NNT: variants seen among roughly 807,000 people sequenced by gnomAD.
The protein encoded by NNT is NAD(P) transhydrogenase, mitochondrial.
A neutral mutation model predicts 104.8 loss-of-function variants in NNT; 50 were observed. The observed-to-expected ratio is 0.48, with a 90% CI of 0.38 to 0.60. The LOEUF (loss-of-function observed/expected upper bound fraction) is 0.60, where lower values mean the gene tolerates loss of function less well. Among genes scored for constraint, NNT ranks in the 20% least tolerant of loss-of-function variants. The pLI is 0.00. For synonymous variants in NNT, 461 were observed against 490.4 expected, an observed-to-expected ratio of 0.94 and a Z score of 0.79; for missense variants, 1,131 against 1,330.7, an observed-to-expected ratio of 0.85 and a Z score of 2.33.
At chr5:43,682,435 T>G (rs918223797) in intron 19 of NNT, among the ~76,000 whole-genome samples, 2 of 152,164 alleles carry the variant, frequency 1.3e-5, no homozygotes, top group African/African-American at 4.8e-5. Flanking sequence ...GGTCTCAAAC[T>G]CCTGACCTCA....
intron 5 of NNT, among the ~76,000 whole-genome samples, chr5:43,620,579 T>G (rs933033703): frequency 6.0e-5 from 9 of 149,774 alleles, no homozygotes; most frequent in Non-Finnish European, 1.2e-4. Context: ...AAAATAAATC[T>G]CCTGGAAAAA....
chr5:43,660,915 T>TAA (rs1740321519), intron 17 of NNT, among the ~76,000 whole-genome samples: 1 of 152,218 alleles, frequency 6.6e-6, no homozygotes, highest in South Asian at 2.1e-4. Context: ...CCATATCAGA[T>TAA]ACTTACTCTA....
chr5:43,698,061 G>A lies in NNT; in HGVS notation c.2877-2058G>A, dbSNP rs139996235. ...TATAGACCTTGGAAAAAAATGAGGT[G>A]GAGTTTCTCTTTGGATATATACACA... On this transcript the variant is annotated intron_variant, in intron 19 of 21. Transcript: ENST00000344920. 4.8e-3 allele frequency among the ~76,000 whole-genome samples: 720 copies of A among 151,320 alleles called. 6 individuals carry two copies. The highest frequency in any genetic ancestry group is 0.016 in the African/African-American group (670 of 41,158).
Position 43,664,528 on chromosome 5 carries a change from G to A in NNT, c.2634+5178G>A, listed in dbSNP as rs889150531. On this transcript the variant is annotated intron_variant, in intron 17 of 21. Transcript: ENST00000344920. The stretch of plus-strand genomic sequence containing the variant: ...TTGTCAGTTTTATGACCTTTCTTTG[G>A]CTTTCAGATTTATTTCTTACAGTGT... Among the ~76,000 whole-genome samples, 3 of 152,056 alleles carry A rather than the reference G, an allele frequency of 2.0e-5. No homozygotes were observed. The South Asian group carries it at 6.2e-4, about 32-fold the overall frequency.
intron 5 of NNT, among the ~76,000 whole-genome samples, chr5:43,622,396 C>T (rs1750145514): frequency 6.6e-6 from 1 of 152,130 alleles, no homozygotes; most frequent in African/African-American, 2.4e-5. Context: ...CTTTCTCCTG[C>T]CCTTTCCCAT....
chr5:43,617,663 C>T (rs1749860359), intron 4 of NNT, among the ~76,000 whole-genome samples: 2 of 152,246 alleles, frequency 1.3e-5, no homozygotes, highest in South Asian at 2.1e-4. Context: ...TTACTTTTTT[C>T]ACTATCAATG....
At chr5:43,648,081 C>A in intron 10 of NNT, 5 of 1,221,026 alleles carry the variant, frequency 4.1e-6, no homozygotes, top group Non-Finnish European at 5.2e-6. Context: ...CCCTATGCAA[C>A]TTCTCTAATT....
chr5:43,685,005 G>A (rs1175241376), intron 19 of NNT, among the ~76,000 whole-genome samples: 2 of 152,088 alleles, frequency 1.3e-5, no homozygotes, highest in Non-Finnish European at 2.9e-5. Context: ...ACTTTTTATT[G>A]TATCCACAGT....
chr5:43,659,235 G>C lies in NNT; in HGVS notation c.2519G>C (p.Ser840Thr). Residue 840 changes from serine to threonine, a missense_variant, in exon 17 of 22, where the codon AGC becomes ACC. By Grantham distance (58) the Ser-to-Thr change is moderately conservative. Transcript: ENST00000344920. The stretch of plus-strand genomic sequence containing the variant: ...CCCGTCGTTATCACTGTGCTGAACA[G>C]CTACTCAGGCTGGGCCCTGTGTGCA... ...DMPVVITVLN[S>T]YSGWALCAEG... 1 of 1,614,088 alleles carries C rather than the reference G, an allele frequency of 6.2e-7. No homozygotes were observed. Among genetic ancestry groups the C allele is most frequent in the South Asian group, 1.1e-5 (1 of 91,074 alleles).
chr5:43,623,377 C>A (rs892073596), intron 5 of NNT, among the ~76,000 whole-genome samples: 1 of 152,002 alleles, frequency 6.6e-6, no homozygotes, highest in Non-Finnish European at 1.5e-5. Flanking sequence ...TCTTAGAAGG[C>A]GGGGGTAGGG....
chr5:43,704,277 T>C lies in NNT; in HGVS notation c.3134T>C (p.Leu1045Ser). The change falls in exon 22 of 22, where the codon TTG (leucine) becomes TCG (serine). Residue 1045 changes from leucine to serine, a missense_variant. Transcript: ENST00000344920. ...SKQVIVMKRS[L>S]GVGYAAVDNP... ...CAGGTGATTGTTATGAAGAGGTCTTTGGGTGTTGGCTATGCTGCAGTGGAC... is the reference window on the plus strand; with the variant it reads ...CAGGTGATTGTTATGAAGAGGTCTTCGGGTGTTGGCTATGCTGCAGTGGAC... The C allele has an allele frequency of 6.3e-7, 1 of 1,593,668 alleles. No homozygotes were observed. Among genetic ancestry groups the C allele is most frequent in the South Asian group, 1.1e-5 (1 of 87,666 alleles).
intron 6 of NNT, among the ~76,000 whole-genome samples, chr5:43,627,185 C>T (rs1297447262): frequency 6.6e-6 from 1 of 152,136 alleles, no homozygotes; most frequent in East Asian, 1.9e-4. Context: ...TGCAACTTTA[C>T]CTCCAGGGGG....
At chr5:43,657,237 G>A (rs970331899) in intron 16 of NNT, among the ~76,000 whole-genome samples, 5 of 152,148 alleles carry the variant, frequency 3.3e-5, no homozygotes, top group African/African-American at 9.7e-5. Flanking sequence ...GATATGACAC[G>A]AAATCAAATA....
chr5:43,650,382 C>A, intron 11 of NNT, 95 bp from the exon 12 acceptor site: 1 of 816,882 alleles, frequency 1.2e-6, no homozygotes, highest in Non-Finnish European at 2.0e-6. Context: ...AGAACTTTAC[C>A]CTCTATGAAT....
chr5:43,622,214 G>T (rs1355500212), intron 5 of NNT, among the ~76,000 whole-genome samples: 1 of 152,186 alleles, frequency 6.6e-6, no homozygotes, highest in Non-Finnish European at 1.5e-5. Flanking sequence ...GTTAAAACCA[G>T]TACTACTTGT....
At chr5:43,632,990 T>A (rs999194789) in intron 7 of NNT, among the ~76,000 whole-genome samples, 4 of 152,200 alleles carry the variant, frequency 2.6e-5, no homozygotes, top group Middle Eastern at 3.4e-3. Context: ...TTGGGCAAAT[T>A]TCACCTAAGT....
At chr5:43,702,085 C>CT (rs1328973083) in intron 20 of NNT, among the ~76,000 whole-genome samples, 1 of 151,968 alleles carries the variant, frequency 6.6e-6, no homozygotes, top group Non-Finnish European at 1.5e-5. Context: ...TTGTTAGTTT[C>CT]TTTTGCTAAG....
chr5:43,656,069 G>T lies in NNT; in HGVS notation c.2289G>T (p.Leu763Phe), dbSNP rs1319114507. 1 of 1,612,288 alleles carries T rather than the reference G, an allele frequency of 6.2e-7. No homozygotes were observed. Among genetic ancestry groups the T allele is most frequent in the Non-Finnish European group, 8.5e-7 (1 of 1,178,354 alleles). ...FSGSLIAYGKLQGLLKSAPLL... is the reference protein window; with the variant it reads ...FSGSLIAYGKFQGLLKSAPLL... ...GGTCTCTCATTGCCTATGGAAAATT[G>T]CAGGGTAAGTGATTCAGCATAACAT... Residue 763 changes from leucine (L) to phenylalanine (F), a missense_variant, in exon 15 of 22, where the codon TTG becomes TTT. By Grantham distance (22) the Leu-to-Phe change is conservative (BLOSUM62 0). Transcript: ENST00000344920.
chr5:43,676,735 A>T (rs576473457), intron 18 of NNT, among the ~76,000 whole-genome samples: 37 of 152,330 alleles, frequency 2.4e-4, no homozygotes, highest in African/African-American at 8.4e-4. Flanking sequence ...TCTAGTGATT[A>T]AGTCAGATAG....
Sources: gnomAD v4.1 joint callset for allele counts (sites outside exome capture counted in the v4.1 genomes callset) on GRCh38, gnomAD v4.1.1 for gene constraint, MANE v1.5 for transcripts, NCBI Gene and HGNC (gene_info 2026-07-23, HGNC 2026-07-21) for gene names.